The following WDR72 variants were observed in gnomAD, a reference collection of about 807,000 sequenced individuals.
The protein encoded by WDR72 is WD repeat domain 72.
WDR72 carries 120 observed loss-of-function variants against 124.2 expected under a neutral mutation model. That is an observed-to-expected ratio of 0.97 (90% CI 0.83 to 1.12). The LOEUF is 1.12. Ranked by LOEUF, WDR72 falls within the 50% of genes most tolerant of loss-of-function variation. WDR72 has a pLI of 0.00. For missense variants in WDR72, 1,387 were observed against 1,278.8 expected (o/e 1.08, Z -1.29); for synonymous variants, 452 against 441.7 (o/e 1.02, Z -0.29).
chr15:53,584,755 C>T (rs1269674830), intron 18 of WDR72, among the ~76,000 whole-genome samples: 1 of 151,970 alleles, frequency 6.6e-6, no homozygotes, highest in Non-Finnish European at 1.5e-5. Context: ...ATCCCCATTC[C>T]CATGTCCTGC....
chr15:53,689,124 C>G (rs1158700470), intron 13 of WDR72, among the ~76,000 whole-genome samples: 1 of 152,182 alleles, frequency 6.6e-6, no homozygotes, highest in African/African-American at 2.4e-5. Flanking sequence ...GGAAGAAAAC[C>G]TAGGCATTAC....
intron 12 of WDR72, among the ~76,000 whole-genome samples, chr15:53,700,301 A>AAG (rs1171962276): frequency 6.6e-6 from 1 of 152,232 alleles, no homozygotes; most frequent in Non-Finnish European, 1.5e-5. Flanking sequence ...CCACAAAAAG[A>AAG]AGCTATTTGT....
At position 53,600,570 on chromosome 15, in the gene WDR72, G is replaced by T. The variant is rs536940369; in HGVS notation, c.2953-3296C>A. Among the ~76,000 whole-genome samples the T allele has an allele frequency of 6.6e-5, 10 of 152,260 alleles. No homozygotes were observed. In the South Asian group the frequency reaches 2.1e-3, roughly 32 times the overall value. On this transcript the variant is annotated intron_variant, in intron 17 of 19. Coordinates refer to ENST00000360509, the MANE Select transcript of WDR72 (RefSeq NM_182758.4). Reference sequence around the variant, plus strand: ...AAAGGTATTACTGAGTCTTAGGCAAGCTAAAAATTTTAGTGGCATTCCATA... The same window carrying T: ...AAAGGTATTACTGAGTCTTAGGCAATCTAAAAATTTTAGTGGCATTCCATA...
chr15:53,615,663 A>G lies in WDR72; in HGVS notation c.2543T>C (p.Leu848Ser), dbSNP rs1277307249. Residue 848 changes from leucine to serine, a missense_variant, in exon 15 of 20, where the codon TTA (leucine) becomes TCA (serine). By Grantham distance (145) the Leu-to-Ser change is moderately radical. Transcript: ENST00000360509. ...GTCTTTTATCATTCCACTATTGCAT[A>G]AATCCCAACCTGGCAACATCAGTGA... ...NFSLMLPGWD[L>S]CNSGMIKDYS... 4 of 1,611,708 alleles carry G rather than the reference A, an allele frequency of 2.5e-6. No homozygotes were observed. Among genetic ancestry groups the G allele is most frequent in the Non-Finnish European group, 3.4e-6 (4 of 1,178,782 alleles).
chr15:53,747,236 C>A (rs766541575), intron 1 of WDR72, among the ~76,000 whole-genome samples: 3 of 152,132 alleles, frequency 2.0e-5, no homozygotes, highest in Non-Finnish European at 4.4e-5. Context: ...GTAATTAGAT[C>A]ACTCCTTAGA....
In WDR72 at chr15:53,714,526, A is replaced by C; in HGVS notation, c.515-16T>G. 1 of 1,599,170 alleles carries C rather than the reference A, an allele frequency of 6.3e-7. No homozygotes were observed. The highest frequency in any genetic ancestry group is 8.6e-7 in the Non-Finnish European group (1 of 1,166,474). ...AGAGAATCTTCTGTGAAAATAATAA[A>C]AGTCACATATAAGCTTACCATGGAT... On this transcript the variant is annotated splice_polypyrimidine_tract_variant and intron_variant, in intron 5 of 19. Transcript: ENST00000360509.
intron 17 of WDR72, among the ~76,000 whole-genome samples, chr15:53,606,403 C>T (rs1188126554): frequency 6.6e-6 from 1 of 152,132 alleles, no homozygotes; most frequent in Non-Finnish European, 1.5e-5. Flanking sequence ...GCCTGCATAG[C>T]TACTCATTCA....
intron 3 of WDR72, among the ~76,000 whole-genome samples, chr15:53,720,140 T>C (rs932309940): frequency 6.6e-6 from 1 of 152,216 alleles, no homozygotes; most frequent in Non-Finnish European, 1.5e-5. Context: ...TAAACATTTT[T>C]TTAATTAAAA....
At chr15:53,648,939 C>T (rs1434303545) in intron 14 of WDR72, among the ~76,000 whole-genome samples, 1 of 140,866 alleles carries the variant, frequency 7.1e-6, no homozygotes, top group East Asian at 1.9e-4. Context: ...AGAGAGCTTA[C>T]AAACCAGGGC....
At chr15:53,680,243 T>G (rs184776485) in intron 13 of WDR72, among the ~76,000 whole-genome samples, 2 of 152,332 alleles carry the variant, frequency 1.3e-5, no homozygotes, top group East Asian at 3.9e-4. Flanking sequence ...TATACAAGTA[T>G]GCTTAGTCAT....
intron 14 of WDR72, among the ~76,000 whole-genome samples, chr15:53,619,042 T>G (rs2013881038): frequency 6.6e-6 from 1 of 152,026 alleles, no homozygotes; most frequent in Non-Finnish European, 1.5e-5. Context: ...ATTTTGATTT[T>G]TACATTTTTC....
At chr15:53,593,295 C>A (rs1397982867) in intron 18 of WDR72, among the ~76,000 whole-genome samples, 7 of 151,968 alleles carry the variant, frequency 4.6e-5, no homozygotes, top group Non-Finnish European at 1.0e-4. Flanking sequence ...TGATTTAGGG[C>A]AAATTTCTTC....
intron 14 of WDR72, among the ~76,000 whole-genome samples, chr15:53,651,450 A>G (rs1007696835): frequency 1.3e-5 from 2 of 152,232 alleles, no homozygotes; most frequent in South Asian, 4.1e-4. Context: ...TCTTGTATCA[A>G]GAAGAGTGCC....
chr15:53,583,954 AT>A (rs886504557), intron 18 of WDR72, among the ~76,000 whole-genome samples: 105 of 140,032 alleles, frequency 7.5e-4, no homozygotes, highest in Middle Eastern at 3.5e-3. Flanking sequence ...ATTAAATCAA[AT>A]TTTTTTAAAT....
intron 2 of WDR72, among the ~76,000 whole-genome samples, chr15:53,732,449 A>G (rs502786): frequency 0.062 from 9,380 of 152,202 alleles, 981 homozygotes; most frequent in African/African-American, 0.21. Context: ...TAATCAATGG[A>G]CCAAATCCTA....
At chr15:53,737,363 A>C (rs1305358205) in intron 1 of WDR72, among the ~76,000 whole-genome samples, 1 of 152,230 alleles carries the variant, frequency 6.6e-6, no homozygotes, top group South Asian at 2.1e-4. Flanking sequence ...AAATGGATTA[A>C]ACTTGCTAGT....
chr15:53,671,705 C>A (rs777085017), intron 13 of WDR72, among the ~76,000 whole-genome samples: 3 of 152,184 alleles, frequency 2.0e-5, no homozygotes, highest in Non-Finnish European at 2.9e-5. Flanking sequence ...AAGCCTGAGG[C>A]CTGTCCCAGC....
intron 17 of WDR72, among the ~76,000 whole-genome samples, chr15:53,606,815 G>A (rs2013304992): frequency 6.6e-6 from 1 of 152,130 alleles, no homozygotes; most frequent in African/African-American, 2.4e-5. Flanking sequence ...GCCAGTTGGG[G>A]CTAAATCAAG....
chr15:53,716,667 A>G lies in WDR72; in HGVS notation c.279T>C (p.Asn93=). The G allele has an allele frequency of 6.2e-7, 1 of 1,604,958 alleles. No individual in the cohort carries two copies. The highest frequency in any genetic ancestry group is 1.4e-5 in the African/African-American group (1 of 73,964). ...AAENGEMCVW[N]VTNGQCMEKA... ...TCTCCATGCACTGTCCATTGGTGAC[A>G]TTCCAAACACACATCTCCCTAGCAG... The change falls in exon 4 of 20, where the codon AAT becomes AAC. Residue 93 remains asparagine (N), a synonymous_variant. Transcript: ENST00000360509.
Sources: allele counts gnomAD v4.1 joint callset (sites outside exome capture counted in the v4.1 genomes callset), GRCh38; gene constraint gnomAD v4.1.1; transcripts MANE v1.5; gene names NCBI Gene and HGNC (gene_info 2026-07-23, HGNC 2026-07-21).